Variants in FTO observed in about 807,000 individuals in gnomAD.
FTO encodes FTO alpha-ketoglutarate dependent dioxygenase.
In FTO, 47 loss-of-function variants were observed where a neutral mutation model predicts 63.9. The ratio of observed to expected loss-of-function variants is 0.74; its 90% CI spans 0.58 to 0.94. The LOEUF (loss-of-function observed/expected upper bound fraction) is 0.94, where lower values mean the gene tolerates loss of function less well. Among genes scored for constraint, FTO ranks in the 40% least tolerant of loss-of-function variants. FTO has a pLI of 0.00. For missense variants in FTO, 562 were observed against 618.1 expected (o/e 0.91, Z 0.96); for synonymous variants, 207 against 224.4 (o/e 0.92, Z 0.69).
At chr16:53,937,213 A>C (rs760222123) in intron 8 of FTO, 2 of 398,414 alleles carry the variant, frequency 5.0e-6, no homozygotes, top group Non-Finnish European at 8.8e-6. Context: ...ACCCTCTCCA[A>C]ATAGGCTTAT....
intron 1 of FTO, among the ~76,000 whole-genome samples, chr16:53,808,451 A>G (rs890653619): frequency 6.6e-6 from 1 of 152,228 alleles, no homozygotes; most frequent in Non-Finnish European, 1.5e-5. Context: ...AATTATGCCT[A>G]AGAGTAGAAT....
At chr16:53,981,080 T>C (rs1485946674) in intron 8 of FTO, 1 of 152,182 alleles carries the variant, frequency 6.6e-6, no homozygotes, top group African/African-American at 2.4e-5. Flanking sequence ...ATCCAGCATT[T>C]TGGGAGGCTG....
chr16:53,833,896 G>A (rs1318383579), intron 3 of FTO, among the ~76,000 whole-genome samples: 3 of 152,080 alleles, frequency 2.0e-5, no homozygotes, highest in South Asian at 2.1e-4. Context: ...GTCTATTCAA[G>A]TTGTTTGCCC....
chr16:53,802,355 A>G (rs1415371448), intron 1 of FTO, among the ~76,000 whole-genome samples: 1 of 152,172 alleles, frequency 6.6e-6, no homozygotes, highest in Non-Finnish European at 1.5e-5. Context: ...CATGTTTGGT[A>G]TAGCTGCAAC....
intron 8 of FTO, among the ~76,000 whole-genome samples, chr16:53,988,784 C>T (rs74019307): frequency 0.012 from 1,752 of 152,234 alleles, 39 homozygotes; most frequent in African/African-American, 0.04. Context: ...GCAACCAAGA[C>T]ATAGGTTTGA....
At chr16:53,977,459 T>C (rs1307764389) in intron 8 of FTO, among the ~76,000 whole-genome samples, 2 of 152,204 alleles carry the variant, frequency 1.3e-5, no homozygotes, top group East Asian at 3.8e-4. Context: ...GGTTAACAGG[T>C]CTCAGTAGAA....
At chr16:53,797,702 A>G (rs999984268) in intron 1 of FTO, among the ~76,000 whole-genome samples, 3 of 152,064 alleles carry the variant, frequency 2.0e-5, no homozygotes, top group Admixed American at 6.5e-5. Flanking sequence ...GTAGGTGTTT[A>G]ATATATATAT....
chr16:54,102,578 A>G (rs1162401500), intron 8 of FTO, among the ~76,000 whole-genome samples: 1 of 152,098 alleles, frequency 6.6e-6, no homozygotes, highest in Admixed American at 6.6e-5. Context: ...GTTCATGGCT[A>G]TTTCACTTTA....
chr16:53,718,598 C>T (rs758498235), intron 1 of FTO, among the ~76,000 whole-genome samples: 22 of 151,952 alleles, frequency 1.4e-4, no homozygotes, highest in Non-Finnish European at 2.5e-4. Flanking sequence ...AGTTATACTT[C>T]GGGATTCTAG....
At chr16:53,894,462 G>A (rs556634327) in intron 7 of FTO, among the ~76,000 whole-genome samples, 1 of 152,310 alleles carries the variant, frequency 6.6e-6, no homozygotes, top group South Asian at 2.1e-4. Context: ...TTCATTTACT[G>A]AAATTTTTAC....
At position 53,829,962 on chromosome 16, in the gene FTO, C is replaced by T. The variant is rs932220405; in HGVS notation, c.751+3471C>T. Among the ~76,000 whole-genome samples, 6 of 151,674 alleles carry T rather than the reference C, an allele frequency of 4.0e-5. No homozygotes were observed. The South Asian group carries it at 6.2e-4, about 16-fold the overall frequency. Reference sequence around the variant, plus strand: ...TGTTCCTTGCCACTGGAGAGGTTCACGTAAAATGCACTGGGAATTCAGATA... The same window carrying T: ...TGTTCCTTGCCACTGGAGAGGTTCATGTAAAATGCACTGGGAATTCAGATA... On this transcript the variant is annotated intron_variant, in intron 3 of 8. Coordinates refer to ENST00000471389, the MANE Select transcript of FTO (RefSeq NM_001080432.3).
chr16:54,016,858 A>G (rs1230937196), intron 8 of FTO, among the ~76,000 whole-genome samples: 1 of 152,196 alleles, frequency 6.6e-6, no homozygotes, highest in Non-Finnish European at 1.5e-5. Context: ...GCAAAATTCA[A>G]CTACAACATC....
At chr16:53,956,571 T>A (rs914963177) in intron 8 of FTO, 10 of 151,802 alleles carry the variant, frequency 6.6e-5, no homozygotes, top group Admixed American at 2.0e-4. Context: ...TTAGAACACA[T>A]CTCACCGGTG....
intron 4 of FTO, 34 bp downstream of exon 4, chr16:53,844,332 T>G (rs1363432726): frequency 2.0e-6 from 3 of 1,519,180 alleles, no homozygotes; most frequent in Admixed American, 3.3e-5. Context: ...ATATTGAAAC[T>G]CTAGTGTCTA....
chr16:53,791,993 G>A (rs56137030), intron 1 of FTO, among the ~76,000 whole-genome samples: 45,667 of 151,504 alleles, frequency 0.3, 8,309 homozygotes, highest in Non-Finnish European at 0.41. Flanking sequence ...GGAGAATGGC[G>A]TGAACCCTGG....
intron 1 of FTO, among the ~76,000 whole-genome samples, chr16:53,760,072 A>G (rs999872415): frequency 6.6e-6 from 1 of 152,020 alleles, no homozygotes; most frequent in Non-Finnish European, 1.5e-5. Flanking sequence ...TCATGGTTGA[A>G]ATGCACCTTC....
chr16:54,110,809 G>A (rs1244511643), intron 8 of FTO, among the ~76,000 whole-genome samples: 1 of 152,208 alleles, frequency 6.6e-6, no homozygotes, highest in African/African-American at 2.4e-5. Context: ...ATAGTGTTTG[G>A]TTTTGATCCA....
intron 7 of FTO, among the ~76,000 whole-genome samples, chr16:53,900,105 T>C (rs2081364432): frequency 6.6e-6 from 1 of 152,132 alleles, no homozygotes; most frequent in Non-Finnish European, 1.5e-5. Flanking sequence ...CCATCTCCCT[T>C]TTGTCCTGAG....
chr16:53,797,335 A>C (rs1365044324), intron 1 of FTO, among the ~76,000 whole-genome samples: 1 of 152,228 alleles, frequency 6.6e-6, no homozygotes, highest in Admixed American at 6.5e-5. Flanking sequence ...AGTGACATGT[A>C]CTTACCACTG....
Sources: gnomAD v4.1 joint callset for allele counts (sites outside exome capture counted in the v4.1 genomes callset) on GRCh38, gnomAD v4.1.1 for gene constraint, MANE v1.5 for transcripts, NCBI Gene and HGNC (gene_info 2026-07-23, HGNC 2026-07-21) for gene names.